ABCA13: variants seen among roughly 807,000 people sequenced by gnomAD.
ABCA13 encodes ATP binding cassette subfamily A member 13, also known as ATP-binding cassette sub-family A member 13.
A neutral mutation model predicts 478.7 loss-of-function variants in ABCA13; 476 were observed. That is an observed-to-expected ratio of 0.99 (90% CI 0.92 to 1.07). The LOEUF (loss-of-function observed/expected upper bound fraction) is 1.07, where lower values mean the gene tolerates loss of function less well. Among genes scored for constraint, ABCA13 ranks in the 50% least tolerant of loss-of-function variants. The probability of loss-of-function intolerance (pLI) is 0.00; values close to 1 mark genes in which losing one functional copy is unlikely to be tolerated. For synonymous variants in ABCA13, 2,252 were observed against 2,158.9 expected (o/e 1.04, Z -1.20); for missense variants, 6,060 against 5,910.6 (o/e 1.03, Z -0.83).
intron 17 of ABCA13, among the ~76,000 whole-genome samples, chr7:48,276,822 C>T (rs1390297566): frequency 2.6e-5 from 4 of 152,048 alleles, no homozygotes; most frequent in African/African-American, 4.8e-5. Context: ...ATTATGAAAA[C>T]AATTATGAAT....
At chr7:48,522,180 T>C (rs1585691092) in intron 53 of ABCA13, among the ~76,000 whole-genome samples, 1 of 152,136 alleles carries the variant, frequency 6.6e-6, no homozygotes, top group Non-Finnish European at 1.5e-5. Context: ...TGCAAGAAAA[T>C]AGGGAGACCC....
intron 56 of ABCA13, among the ~76,000 whole-genome samples, chr7:48,585,536 C>A (rs1431379876): frequency 6.6e-6 from 1 of 152,104 alleles, no homozygotes; most frequent in Non-Finnish European, 1.5e-5. Flanking sequence ...ATAATAATTT[C>A]TGTTGAAAGA....
At chr7:48,392,204 TAGAA>T in intron 38 of ABCA13, 65 bp downstream of exon 38, 2 of 1,457,058 alleles carry the variant, frequency 1.4e-6, no homozygotes, top group South Asian at 1.2e-5. Flanking sequence ...GTGAAGACAA[TAGAA>T]AGAGACACTT....
chr7:48,210,509 G>A (rs900810417), intron 3 of ABCA13, among the ~76,000 whole-genome samples: 1 of 151,792 alleles, frequency 6.6e-6, no homozygotes, highest in African/African-American at 2.4e-5. Flanking sequence ...TACTTTTGCT[G>A]TATCCCACAG....
At chr7:48,302,045 G>A (rs1331517515) in intron 23 of ABCA13, among the ~76,000 whole-genome samples, 1 of 152,188 alleles carries the variant, frequency 6.6e-6, no homozygotes, top group East Asian at 1.9e-4. Context: ...TCTGAGCAGG[G>A]CATTTCTCTT....
chr7:48,540,635 T>A (rs901533623), intron 55 of ABCA13, among the ~76,000 whole-genome samples: 28 of 152,116 alleles, frequency 1.8e-4, no homozygotes, highest in Non-Finnish European at 4.4e-5. Flanking sequence ...TACTCATTCA[T>A]TCAATATATT....
At chr7:48,201,938 C>T (rs983684054) in intron 3 of ABCA13, among the ~76,000 whole-genome samples, 1 of 151,866 alleles carries the variant, frequency 6.6e-6, no homozygotes, top group African/African-American at 2.4e-5. Context: ...CTCGCTGGCT[C>T]AGGAGTGAAG....
chr7:48,191,879 C>T (rs1797152460), intron 1 of ABCA13, among the ~76,000 whole-genome samples: 1 of 152,260 alleles, frequency 6.6e-6, no homozygotes, highest in Non-Finnish European at 1.5e-5. Flanking sequence ...AATAAAGAAA[C>T]CAAAGTGACC....
chr7:48,338,157 T>C (rs1274420575), intron 28 of ABCA13, among the ~76,000 whole-genome samples: 1 of 152,248 alleles, frequency 6.6e-6, no homozygotes, highest in African/African-American at 2.4e-5. Flanking sequence ...AACATAAATT[T>C]TCATAATTGT....
At chr7:48,180,500 A>G (rs568403388) in intron 1 of ABCA13, among the ~76,000 whole-genome samples, 1 of 152,246 alleles carries the variant, frequency 6.6e-6, no homozygotes, top group East Asian at 1.9e-4. Flanking sequence ...AGCTTACTGC[A>G]GCCTCCGCCT....
chr7:48,452,353 A>C (rs1825149526), intron 42 of ABCA13, among the ~76,000 whole-genome samples: 1 of 152,188 alleles, frequency 6.6e-6, no homozygotes, highest in South Asian at 2.1e-4. Context: ...TTGGTGGCTG[A>C]GATTAGATTC....
At chr7:48,523,637 A>G (rs566776181) in intron 53 of ABCA13, among the ~76,000 whole-genome samples, 1 of 152,148 alleles carries the variant, frequency 6.6e-6, no homozygotes, top group Non-Finnish European at 1.5e-5. Context: ...GGAAATTGAA[A>G]TTTATTGGAA....
intron 38 of ABCA13, among the ~76,000 whole-genome samples, chr7:48,395,198 G>A (rs557274181): frequency 6.6e-6 from 1 of 152,258 alleles, no homozygotes; most frequent in South Asian, 2.1e-4. Flanking sequence ...CACCTGATAC[G>A]ATGGCCGTCT....
rs770332276 is a variant in ABCA13, at chr7:48,234,158, A to T, written c.897+7A>T. The T allele has an allele frequency of 1.2e-6, 2 of 1,613,862 alleles. No individual in the cohort carries two copies. The highest frequency in any genetic ancestry group is 1.7e-6 in the Non-Finnish European group (2 of 1,179,790). On this transcript the variant is annotated splice_region_variant and intron_variant, in intron 8 of 61. Coordinates refer to ENST00000435803, the MANE Select transcript of ABCA13 (RefSeq NM_152701.5). ...TTCAGCTGAACTGAAGGAGGTACAC[A>T]TGCTTGACTGCTTCTCACACCGCTG...
In ABCA13 at chr7:48,374,391, T is replaced by G; in HGVS notation, c.11178T>G (p.Ile3726Met). 1.9e-6 allele frequency: 3 copies of G among 1,610,408 alleles called. No individual in the cohort carries two copies. The highest frequency in any genetic ancestry group is 1.7e-6 in the Non-Finnish European group (2 of 1,178,470). Reference sequence around the variant, plus strand: ...CCTTTGGACAAGGGGTATTTTTTATTACATTCCTGGAAGGACAAGAGACAG... The same window carrying G: ...CCTTTGGACAAGGGGTATTTTTTATGACATTCCTGGAAGGACAAGAGACAG... ...TTAFGQGVFF[I>M]TFLEGQETGI... The change falls in exon 34 of 62, where the codon ATT becomes ATG. Residue 3726 changes from isoleucine (I) to methionine (M), a missense_variant. By Grantham distance (10) the Ile-to-Met change is conservative. Transcript: ENST00000435803.
intron 43 of ABCA13, among the ~76,000 whole-genome samples, chr7:48,458,359 A>G (rs1212843357): frequency 2.6e-5 from 4 of 152,178 alleles, no homozygotes; most frequent in Non-Finnish European, 5.9e-5. Flanking sequence ...GGACAACCCC[A>G]TTTTATAACA....
intron 1 of ABCA13, among the ~76,000 whole-genome samples, chr7:48,181,296 G>A (rs1404611252): frequency 6.6e-6 from 1 of 152,054 alleles, no homozygotes; most frequent in East Asian, 1.9e-4. Flanking sequence ...TAGAGGCCTG[G>A]TGATTACGTG....
intron 55 of ABCA13, among the ~76,000 whole-genome samples, chr7:48,530,451 G>A (rs1182712388): frequency 6.6e-6 from 1 of 151,944 alleles, no homozygotes; most frequent in Non-Finnish European, 1.5e-5. Context: ...TGCTATAAAC[G>A]TGTGCGCAAA....
intron 2 of ABCA13, among the ~76,000 whole-genome samples, chr7:48,195,117 C>T (rs36157734): frequency 0.72 from 108,928 of 152,092 alleles, 39,675 homozygotes; most frequent in Non-Finnish European, 0.8. Flanking sequence ...GGAGAAATTG[C>T]CTAGGCAGGG....
Sources: gnomAD v4.1 joint callset for allele counts (sites outside exome capture counted in the v4.1 genomes callset) on GRCh38, gnomAD v4.1.1 for gene constraint, MANE v1.5 for transcripts, NCBI Gene and HGNC (gene_info 2026-07-23, HGNC 2026-07-21) for gene names.